The following ST6GALNAC3 variants were observed in gnomAD, a reference collection of about 807,000 sequenced individuals.
The protein encoded by ST6GALNAC3 is alpha-N-acetylgalactosaminide alpha-2,6-sialyltransferase 3.
In ST6GALNAC3, 25 loss-of-function variants were observed where a neutral mutation model predicts 32.7. That is an observed-to-expected ratio of 0.76 (90% CI 0.56 to 1.07). The LOEUF is 1.07. Ranked by LOEUF, ST6GALNAC3 falls within the 50% of genes least tolerant of loss-of-function variation. ST6GALNAC3 has a pLI of 0.00. For missense variants in ST6GALNAC3, 355 were observed against 382.4 expected, an observed-to-expected ratio of 0.93 and a Z score of 0.60; for synonymous variants, 129 against 133.1, an observed-to-expected ratio of 0.97 and a Z score of 0.21.
chr1:76,534,957 G>A (rs929396294), intron 3 of ST6GALNAC3, among the ~76,000 whole-genome samples: 2 of 152,010 alleles, frequency 1.3e-5, no homozygotes, highest in African/African-American at 4.8e-5. Context: ...TCTGGATCTT[G>A]GTTTGACTGA....
chr1:76,499,557 G>A (rs887028024), intron 3 of ST6GALNAC3, among the ~76,000 whole-genome samples: 5 of 152,118 alleles, frequency 3.3e-5, no homozygotes, highest in Non-Finnish European at 2.9e-5. Context: ...TTTGGTAGGA[G>A]CCTGTTTTGT....
At chr1:76,142,755 G>C (rs528059456) in intron 1 of ST6GALNAC3, 7 of 421,704 alleles carry the variant, frequency 1.7e-5, no homozygotes, top group Non-Finnish European at 3.3e-5. Flanking sequence ...TCCAGCTGTG[G>C]TTATCTGGAG....
chr1:76,516,951 T>C (rs1662207838), intron 3 of ST6GALNAC3, among the ~76,000 whole-genome samples: 1 of 152,018 alleles, frequency 6.6e-6, no homozygotes, highest in Non-Finnish European at 1.5e-5. Flanking sequence ...AATATATGTA[T>C]AGTAAAATCT....
intron 3 of ST6GALNAC3, among the ~76,000 whole-genome samples, chr1:76,587,544 C>T (rs900368363): frequency 5.9e-5 from 9 of 152,238 alleles, no homozygotes; most frequent in South Asian, 4.1e-4. Flanking sequence ...TTGCACACAA[C>T]GAATCAGGTC....
intron 2 of ST6GALNAC3, among the ~76,000 whole-genome samples, chr1:76,342,380 T>A (rs566869128): frequency 2.0e-5 from 3 of 152,294 alleles, no homozygotes; most frequent in Admixed American, 6.5e-5. Flanking sequence ...TGTTGTTTCC[T>A]GACTTTTTAA....
intron 3 of ST6GALNAC3, among the ~76,000 whole-genome samples, chr1:76,485,905 G>C (rs1660079342): frequency 6.6e-6 from 1 of 152,224 alleles, no homozygotes; most frequent in Non-Finnish European, 1.5e-5. Context: ...ACGTGTCCCA[G>C]AGATTCTGGT....
chr1:76,152,638 C>G (rs1651118058), intron 1 of ST6GALNAC3, among the ~76,000 whole-genome samples: 1 of 152,144 alleles, frequency 6.6e-6, no homozygotes, highest in Non-Finnish European at 1.5e-5. Flanking sequence ...CCATGGCCTC[C>G]TGACAGAATG....
intron 1 of ST6GALNAC3, among the ~76,000 whole-genome samples, chr1:76,232,236 T>C (rs922607980): frequency 1.3e-5 from 2 of 152,224 alleles, no homozygotes; most frequent in Admixed American, 1.3e-4. Context: ...CTATGACTGA[T>C]GTAGTTCAAG....
At chr1:76,408,416 C>T (rs1286622386) in intron 2 of ST6GALNAC3, among the ~76,000 whole-genome samples, 1 of 152,054 alleles carries the variant, frequency 6.6e-6, no homozygotes, top group Non-Finnish European at 1.5e-5. Context: ...TTATAGATCA[C>T]CATCTACCCT....
intron 3 of ST6GALNAC3, among the ~76,000 whole-genome samples, chr1:76,507,754 G>T (rs1277820992): frequency 1.3e-5 from 2 of 152,092 alleles, no homozygotes; most frequent in African/African-American, 4.8e-5. Flanking sequence ...ACAACTCTTT[G>T]TGTGGACACA....
chr1:76,236,286 C>T (rs950328400), intron 1 of ST6GALNAC3, among the ~76,000 whole-genome samples: 3 of 152,090 alleles, frequency 2.0e-5, no homozygotes, highest in South Asian at 2.1e-4. Context: ...CTACAATGGC[C>T]CTACTTCTAA....
intron 3 of ST6GALNAC3, among the ~76,000 whole-genome samples, chr1:76,518,202 TA>T (rs1278394723): frequency 6.6e-6 from 1 of 152,054 alleles, no homozygotes; most frequent in Non-Finnish European, 1.5e-5. Flanking sequence ...ATTATCTTAA[TA>T]TTTTTTAATT....
At chr1:76,537,306 C>A (rs1663674048) in intron 3 of ST6GALNAC3, among the ~76,000 whole-genome samples, 1 of 152,158 alleles carries the variant, frequency 6.6e-6, no homozygotes, top group Non-Finnish European at 1.5e-5. Flanking sequence ...ACCAGAATCT[C>A]TGCGACATAG....
At chr1:76,390,477 A>G (rs1652447738) in intron 2 of ST6GALNAC3, among the ~76,000 whole-genome samples, 1 of 152,222 alleles carries the variant, frequency 6.6e-6, no homozygotes, top group South Asian at 2.1e-4. Flanking sequence ...AAACTTAGCT[A>G]CAGTTTACCT....
At chr1:76,523,414 A>G (rs772171982) in intron 3 of ST6GALNAC3, among the ~76,000 whole-genome samples, 8 of 152,174 alleles carry the variant, frequency 5.3e-5, no homozygotes, top group Non-Finnish European at 1.2e-4. Context: ...GATTTTAATA[A>G]ATGCAGAACA....
At chr1:76,553,598 C>T (rs1477734477) in intron 3 of ST6GALNAC3, among the ~76,000 whole-genome samples, 16 of 152,130 alleles carry the variant, frequency 1.1e-4, no homozygotes, top group Non-Finnish European at 1.5e-5. Flanking sequence ...TAGGAGTTGT[C>T]CTGTGTGGCA....
intron 3 of ST6GALNAC3, among the ~76,000 whole-genome samples, chr1:76,624,179 G>A (rs1648817879): frequency 6.6e-6 from 1 of 151,904 alleles, no homozygotes; most frequent in African/African-American, 2.4e-5. Context: ...AACACATCTT[G>A]TTTAAAGAGC....
chr1:76,203,635 ATGATT>A (rs1452385802), intron 1 of ST6GALNAC3, among the ~76,000 whole-genome samples: 2 of 152,224 alleles, frequency 1.3e-5, no homozygotes, highest in Admixed American at 6.5e-5. Context: ...TAAATTAAAA[ATGATT>A]TGTATTTAGC....
chr1:76,408,750 CA>C lies in ST6GALNAC3; in HGVS notation c.214-3256del, dbSNP rs1654010606. ...TGCATTTTATAGATTTGAACATATC[CA>C]AGACTTTCTTTTTCTTCTTTTTGAT... is the stretch of plus-strand genomic sequence containing the variant. On this transcript the variant is annotated intron_variant, in intron 2 of 4. Coordinates refer to ENST00000328299, the MANE Select transcript of ST6GALNAC3 (RefSeq NM_152996.4). 8.0e-5 allele frequency among the ~76,000 whole-genome samples: 5 copies of C among 62,726 alleles called. No individual in the cohort carries two copies. The Admixed American group carries it at 1.1e-3, about 13-fold the overall frequency. 41.2% of individuals were successfully genotyped at this position (62,726 alleles called of 152,430 possible). A position where few individuals can be genotyped will look rare whatever the true frequency, so the allele number is the denominator to read the frequency against.
Sources: allele counts gnomAD v4.1 joint callset (sites outside exome capture counted in the v4.1 genomes callset), GRCh38; gene constraint gnomAD v4.1.1; transcripts MANE v1.5; gene names NCBI Gene and HGNC (gene_info 2026-07-23, HGNC 2026-07-21).